The following RESF1 variants were observed in gnomAD, a reference collection of about 807,000 sequenced individuals.
RESF1 encodes the protein retroelement silencing factor 1.
Under a neutral mutation model 134.7 loss-of-function variants are expected in RESF1, and 65 were observed. The observed-to-expected ratio is 0.48, with a 90% CI of 0.40 to 0.59. RESF1 has a LOEUF of 0.59. Among genes scored for constraint, RESF1 ranks in the 20% least tolerant of loss-of-function variants. The probability of loss-of-function intolerance (pLI) is 0.00; values close to 1 mark genes in which losing one functional copy is unlikely to be tolerated. For missense variants in RESF1, 2,274 were observed against 2,002.7 expected (o/e 1.14, Z -2.59); for synonymous variants, 762 against 702.2 (o/e 1.09, Z -1.35).
intron 3 of RESF1, among the ~76,000 whole-genome samples, chr12:31,978,712 ATTTTTTTTTTT>A (rs35842957): frequency 5.7e-5 from 7 of 121,892 alleles, no homozygotes; most frequent in South Asian, 3.0e-4. Flanking sequence ...CACCCAGCTA[ATTTTTTTTTTT>A]TTTTTTTTTT....
In RESF1 at chr12:31,980,963, G is replaced by A; in HGVS notation, c.8G>A (p.Trp3Ter). The part of the protein sequence containing the change: MN[W>*]NEKPKSATLP... ...TACTATATCAAACCGACAATGAATT[G>A]GAATGAAAAACCAAAGAGTGCTACA... The change falls in exon 4 of 6, where the codon TGG (tryptophan) becomes TAG (stop). Residue 3 changes from tryptophan (W) to a stop codon, truncating the protein, a stop_gained. Transcript: ENST00000312561. LOFTEE classifies it high-confidence loss of function. 6.3e-7 allele frequency: 1 copy of A among 1,598,288 alleles called. No homozygotes were observed. Among genetic ancestry groups the A allele is most frequent in the Non-Finnish European group, 8.5e-7 (1 of 1,172,536 alleles).
Position 31,982,483 on chromosome 12 carries a change from T to G in RESF1, c.1528T>G (p.Ser510Ala). 1 of 1,613,702 alleles carries G rather than the reference T, an allele frequency of 6.2e-7. No individual in the cohort carries two copies. ...TTCTGTTTTACCAAATCCTGTCTAT[T>G]CTGAAAAGCGGCCAATGCCAGACTC... is the stretch of plus-strand genomic sequence containing the variant. ...VDSVLPNPVY[S>A]EKRPMPDSSH... Residue 510 changes from serine to alanine, a missense_variant, in exon 4 of 6, where the codon TCT becomes GCT. Transcript: ENST00000312561.
chr12:31,984,734 C>T lies in RESF1; in HGVS notation c.3779C>T (p.Pro1260Leu), dbSNP rs1939919570. ...ELQDDSRKDTPKTKHKSLPRT... is the reference protein window; with the variant it reads ...ELQDDSRKDTLKTKHKSLPRT... ...CAAGACGACAGTAGAAAAGATACACCCAAAACAAAACATAAAAGCTTACCA... is the reference window on the plus strand; with the variant it reads ...CAAGACGACAGTAGAAAAGATACACTCAAAACAAAACATAAAAGCTTACCA... Residue 1260 changes from proline to leucine, a missense_variant, in exon 4 of 6, where the codon CCC (proline) becomes CTC (leucine). Coordinates refer to ENST00000312561, the MANE Select transcript of RESF1 (RefSeq NM_018169.4). 6.2e-7 allele frequency: 1 copy of T among 1,609,382 alleles called. No individual in the cohort carries two copies. The highest frequency in any genetic ancestry group is 8.5e-7 in the Non-Finnish European group (1 of 1,179,072).
chr12:31,964,315 G>T (rs1420462990), intron 2 of RESF1, among the ~76,000 whole-genome samples: 3 of 151,774 alleles, frequency 2.0e-5, no homozygotes, highest in African/African-American at 7.3e-5. Context: ...CTGCTTATAG[G>T]CCCCAGTGTG....
intron 4 of RESF1, among the ~76,000 whole-genome samples, chr12:31,986,293 GC>G (rs1165143663): frequency 6.6e-6 from 1 of 152,190 alleles, no homozygotes; most frequent in African/African-American, 2.4e-5. Flanking sequence ...GTGTCAAGTA[GC>G]TAGTAATGTA....
intron 5 of RESF1, among the ~76,000 whole-genome samples, chr12:31,990,747 A>G (rs900233654): frequency 1.3e-5 from 2 of 152,194 alleles, no homozygotes; most frequent in African/African-American, 2.4e-5. Flanking sequence ...CCACATGGGC[A>G]TTTTTTAAAT....
Position 31,985,966 on chromosome 12 carries a change from T to A in RESF1, c.5002+9T>A. 1 of 1,460,912 alleles carries A rather than the reference T, an allele frequency of 6.8e-7. No individual in the cohort carries two copies. Among genetic ancestry groups the A allele is most frequent in the South Asian group, 1.6e-5 (1 of 62,636 alleles). 90.5% of individuals were successfully genotyped at this position (1,460,912 alleles called of 1,614,324 possible). ...GCAAGCCCCTCTGCAAGGTCCAGTA[T>A]GATTTTCTTGGTGGTGTCTACAATA... On this transcript the variant is annotated intron_variant, in intron 4 of 5. Transcript: ENST00000312561.
rs16919127 is a variant in RESF1, at chr12:31,983,984, C to T, written c.3029C>T (p.Thr1010Met). 7.4e-6 allele frequency: 12 copies of T among 1,613,530 alleles called. No homozygotes were observed. The highest frequency in any genetic ancestry group is 1.6e-4 in the Middle Eastern group (1 of 6,082). Residue 1010 changes from threonine to methionine, a missense_variant, in exon 4 of 6, where the codon ACG becomes ATG. By Grantham distance (81) the Thr-to-Met change is moderately conservative. Coordinates refer to ENST00000312561, the MANE Select transcript of RESF1 (RefSeq NM_018169.4). ...ACTGAAAAAAGCACAGCTAACGATA[C>T]GTGCTCGTCAGCTGCTATTCAGGAG... ...HATEKSTAND[T>M]CSSAAIQEDI...
intron 3 of RESF1, among the ~76,000 whole-genome samples, chr12:31,978,784 A>G (rs1448430717): frequency 1.4e-5 from 2 of 144,578 alleles, no homozygotes; most frequent in African/African-American, 2.6e-5. Context: ...GATGGTCTCC[A>G]TCTCCTGACC....
At chr12:31,960,426 T>A (rs892883438) in intron 1 of RESF1, among the ~76,000 whole-genome samples, 5 of 152,204 alleles carry the variant, frequency 3.3e-5, no homozygotes, top group African/African-American at 1.2e-4. Context: ...CAGTCACTGT[T>A]AATGTGCATG....
At chr12:31,961,973 A>C (rs1939279744) in intron 2 of RESF1, among the ~76,000 whole-genome samples, 1 of 152,226 alleles carries the variant, frequency 6.6e-6, no homozygotes, top group Non-Finnish European at 1.5e-5. Context: ...CTATAATGCC[A>C]GCACTTTAAG....
rs575340434 is a variant in RESF1, at chr12:31,971,941, G to A, written c.-79+1585G>A. On this transcript the variant is annotated intron_variant, in intron 3 of 5. Coordinates refer to ENST00000312561, the MANE Select transcript of RESF1 (RefSeq NM_018169.4). ...CACCTGGTTGAGAGGGAGGGGGTGA[G>A]GTTAAGTTGATCACCAATAGCCAAT... Among the ~76,000 whole-genome samples, 6 of 152,262 alleles carry A rather than the reference G, an allele frequency of 3.9e-5. No individual in the cohort carries two copies. The East Asian group carries it at 1.2e-3, about 29-fold the overall frequency.
chr12:31,983,918 C>CTA lies in RESF1; in HGVS notation c.2963_2964insTA (p.Asn989LysfsTer6). On this transcript the variant is annotated frameshift_variant, in exon 4 of 6. Transcript: ENST00000312561. LOFTEE classifies it high-confidence loss of function. ...GAGTCATCTTTTAACAATCTTGAAA[C>CTA]AAACAGAGTTATTCTAGAGAAAAGT... The CTA allele has an allele frequency of 6.2e-7, 1 of 1,613,628 alleles. No individual in the cohort carries two copies. Among genetic ancestry groups the CTA allele is most frequent in the South Asian group, 1.1e-5 (1 of 91,028 alleles).
At chr12:31,964,191 A>T (rs1307681151) in intron 2 of RESF1, among the ~76,000 whole-genome samples, 2 of 144,106 alleles carry the variant, frequency 1.4e-5, no homozygotes, top group Admixed American at 1.4e-4. Flanking sequence ...GTACGTGTAT[A>T]GGTAAAGTTG....
chr12:31,987,872 C>G (rs974903652), intron 5 of RESF1, among the ~76,000 whole-genome samples: 4 of 152,040 alleles, frequency 2.6e-5, no homozygotes, highest in Non-Finnish European at 5.9e-5. Flanking sequence ...GTAGCTGGGA[C>G]TGCAGTTGCA....
chr12:31,977,801 C>CTTTTTTT (rs3075963), intron 3 of RESF1, among the ~76,000 whole-genome samples: 12 of 124,390 alleles, frequency 9.6e-5, no homozygotes, highest in South Asian at 8.2e-4. Context: ...TTCTTTCTTT[C>CTTTTTTT]TTTTTTTTTT....
intron 1 of RESF1, 105 bp from the exon 2 acceptor site, chr12:31,960,667 CATGCT>C (rs1443956281): frequency 1.3e-5 from 2 of 152,158 alleles, no homozygotes; most frequent in Non-Finnish European, 2.9e-5. Context: ...GTAAACTTAG[CATGCT>C]TTCAGTGCAG....
At chr12:31,988,753 C>T (rs769528854) in intron 5 of RESF1, among the ~76,000 whole-genome samples, 17 of 151,990 alleles carry the variant, frequency 1.1e-4, no homozygotes, top group Non-Finnish European at 1.9e-4. Context: ...TACAGTGGCA[C>T]GATCTCGGCC....
At chr12:31,987,415 T>G (rs1940001047) in intron 5 of RESF1, 93 bp downstream of exon 5, 1 of 732,474 alleles carries the variant, frequency 1.4e-6, no homozygotes, top group Non-Finnish European at 2.2e-6. Context: ...AAAGTATGAT[T>G]TTATCCATGT....
Sources: gnomAD v4.1 joint callset for allele counts (sites outside exome capture counted in the v4.1 genomes callset) on GRCh38, gnomAD v4.1.1 for gene constraint, MANE v1.5 for transcripts, NCBI Gene and HGNC (gene_info 2026-07-23, HGNC 2026-07-21) for gene names.